Variants in RHPN2 observed in about 807,000 individuals in gnomAD.
The protein encoded by RHPN2 is rhophilin Rho GTPase binding protein 2.
Under a neutral mutation model 79.0 loss-of-function variants are expected in RHPN2, and 40 were observed. The ratio of observed to expected loss-of-function variants is 0.51; its 90% confidence interval spans 0.39 to 0.66. The LOEUF is 0.66. RHPN2 is among the 30% of genes least tolerant of loss of function. The probability of loss-of-function intolerance (pLI) is 0.00; values close to 1 mark genes in which losing one functional copy is unlikely to be tolerated. For missense variants in RHPN2, 686 were observed against 883.5 expected (o/e 0.78, Z 2.83); for synonymous variants, 285 against 363.5 (o/e 0.78, Z 2.46).
chr19:33,035,969 T>C (rs983558033), intron 2 of RHPN2, among the ~76,000 whole-genome samples: 7 of 151,722 alleles, frequency 4.6e-5, no homozygotes, highest in African/African-American at 1.5e-4. Context: ...ACAAAAAAAT[T>C]AGCTGTGTGT....
Position 32,979,956 on chromosome 19 carries a change from C to G in RHPN2, c.*40G>C, listed in dbSNP as rs964366651. On this transcript the variant is annotated 3_prime_UTR_variant, in exon 15 of 15. Coordinates refer to ENST00000254260, the MANE Select transcript of RHPN2 (RefSeq NM_033103.5). ...ACAAACGTTTAAGGCCGAGTCAGCA[C>G]CGGAAATGTTCAGGGCCTGAACATG... 6.2e-7 allele frequency: 1 copy of G among 1,611,618 alleles called. No individual in the cohort carries two copies. The highest frequency in any genetic ancestry group is 1.3e-5 in the African/African-American group (1 of 74,808).
At chr19:33,031,218 C>G (rs1972008365) in intron 2 of RHPN2, among the ~76,000 whole-genome samples, 1 of 149,458 alleles carries the variant, frequency 6.7e-6, no homozygotes, top group Non-Finnish European at 1.5e-5. Flanking sequence ...TCTTTCTATT[C>G]TATTCTATTC....
chr19:32,983,092 A>ACACACACACACACACACT (rs1021350111), intron 14 of RHPN2, among the ~76,000 whole-genome samples: 1 of 144,372 alleles, frequency 6.9e-6, no homozygotes, highest in Non-Finnish European at 1.5e-5. Context: ...ACACACACAC[A>ACACACACACACACACACT]CACTCCTGCA....
chr19:33,008,291 GC>G, intron 6 of RHPN2, 111 bp from the exon 7 acceptor site: 1 of 1,116,476 alleles, frequency 9.0e-7, no homozygotes, highest in Non-Finnish European at 1.3e-6. Context: ...TCACTCTGTT[GC>G]CCAGGCTGGA....
At chr19:33,047,147 C>T (rs1245945260) in intron 1 of RHPN2, among the ~76,000 whole-genome samples, 1 of 152,118 alleles carries the variant, frequency 6.6e-6, no homozygotes, top group Non-Finnish European at 1.5e-5. Flanking sequence ...AGGTGTGAGC[C>T]ACCACACCCA....
rs374714452 is a variant in RHPN2, at chr19:32,996,186, G to A, written c.1260C>T (p.His420=). 6.2e-6 allele frequency: 10 copies of A among 1,614,148 alleles called. No homozygotes were observed. In the East Asian group the frequency reaches 8.9e-5, roughly 14 times the overall value. ...KSHLRRAMAH[H]EESVREASLC... ...GGCTGGCCTCCCGCACCGACTCCTCGTGATGAGCCATGGCTCTGCGCAAGT... is the reference window on the plus strand; with the variant it reads ...GGCTGGCCTCCCGCACCGACTCCTCATGATGAGCCATGGCTCTGCGCAAGT... Residue 420 remains histidine, a synonymous_variant, in exon 11 of 15, where the codon CAC becomes CAT. Coordinates refer to ENST00000254260, the MANE Select transcript of RHPN2 (RefSeq NM_033103.5).
chr19:33,045,837 G>A (rs1020277661), intron 1 of RHPN2, among the ~76,000 whole-genome samples: 2 of 152,112 alleles, frequency 1.3e-5, no homozygotes, highest in South Asian at 4.2e-4. Context: ...CATTAGCATC[G>A]CTCCTCATTT....
chr19:32,982,776 G>A (rs1172037745), intron 14 of RHPN2, among the ~76,000 whole-genome samples: 7 of 151,990 alleles, frequency 4.6e-5, no homozygotes, highest in Non-Finnish European at 7.4e-5. Flanking sequence ...GTTGTGCGTT[G>A]CTGGAGGACA....
In RHPN2 at chr19:33,002,757, C is replaced by T. The variant is rs573693582; in HGVS notation, c.948+56G>A. The T allele has an allele frequency of 1.9e-5, 31 of 1,594,028 alleles. No homozygotes were observed. In the South Asian group the frequency reaches 3.2e-4, roughly 17 times the overall value. On this transcript the variant is annotated intron_variant, in intron 8 of 14. Coordinates refer to ENST00000254260, the MANE Select transcript of RHPN2 (RefSeq NM_033103.5). ...GGAAGGCCCCGCTACTTCCAGTGCTCCTGTGCCAGCATCTCCTGCCCACTC... is the reference window on the plus strand; with the variant it reads ...GGAAGGCCCCGCTACTTCCAGTGCTTCTGTGCCAGCATCTCCTGCCCACTC...
chr19:32,996,013 C>T lies in RHPN2; in HGVS notation c.1420+13G>A, dbSNP rs1259296655. 1 of 1,613,802 alleles carries T rather than the reference C, an allele frequency of 6.2e-7. No homozygotes were observed. The highest frequency in any genetic ancestry group is 2.2e-5 in the East Asian group (1 of 44,882). ...GGCACCCCCACAGAGGGAACACAGTCTAGGCTACTCACCAACAACACTGGG... is the reference window on the plus strand; with the variant it reads ...GGCACCCCCACAGAGGGAACACAGTTTAGGCTACTCACCAACAACACTGGG... On this transcript the variant is annotated intron_variant, in intron 11 of 14. Coordinates refer to ENST00000254260, the MANE Select transcript of RHPN2 (RefSeq NM_033103.5).
intron 1 of RHPN2, among the ~76,000 whole-genome samples, chr19:33,044,752 G>A (rs1176877236): frequency 6.6e-6 from 1 of 152,134 alleles, no homozygotes; most frequent in Non-Finnish European, 1.5e-5. Context: ...AAATTAACCA[G>A]GTGTGGTGGT....
At chr19:32,989,541 G>A (rs963672470) in intron 14 of RHPN2, among the ~76,000 whole-genome samples, 7 of 152,166 alleles carry the variant, frequency 4.6e-5, no homozygotes, top group Non-Finnish European at 1.0e-4. Flanking sequence ...TTCACAGGTT[G>A]TCTTAAGCAC....
At chr19:33,042,692 G>C (rs993827685) in intron 2 of RHPN2, among the ~76,000 whole-genome samples, 1 of 152,112 alleles carries the variant, frequency 6.6e-6, no homozygotes, top group African/African-American at 2.4e-5. Context: ...AGCACTCTGG[G>C]AGACCAAGGC....
intron 14 of RHPN2, among the ~76,000 whole-genome samples, chr19:32,980,883 G>T (rs900259626): frequency 6.6e-6 from 1 of 151,940 alleles, no homozygotes; most frequent in African/African-American, 2.4e-5. Context: ...TGTCGCCCAG[G>T]CTGGAGTGTA....
At position 33,011,695 on chromosome 19, in the gene RHPN2, C is replaced by T. The variant is rs765319907; in HGVS notation, c.577G>A (p.Gly193Arg). 1 of 1,613,922 alleles carries T rather than the reference C, an allele frequency of 6.2e-7. No individual in the cohort carries two copies. Among genetic ancestry groups the T allele is most frequent in the Non-Finnish European group, 8.5e-7 (1 of 1,179,856 alleles). ...SRFFPPTRQM[G>R]LLFTWYDSLT... ...AGCACCTACCAGGTGAACAGGAGTC[C>T]CATCTGCCGTGTGGGCGGGAAGAAT... is the stretch of plus-strand genomic sequence containing the variant. Residue 193 changes from glycine to arginine, a missense_variant, in exon 6 of 15, where the codon GGA becomes AGA. Coordinates refer to ENST00000254260, the MANE Select transcript of RHPN2 (RefSeq NM_033103.5).
chr19:32,988,942 C>T (rs1451332625), intron 14 of RHPN2, among the ~76,000 whole-genome samples: 1 of 152,208 alleles, frequency 6.6e-6, no homozygotes, highest in Non-Finnish European at 1.5e-5. Flanking sequence ...TAAACTGGAG[C>T]TCTGACACCT....
chr19:33,017,371 T>C (rs1319953137), intron 4 of RHPN2, among the ~76,000 whole-genome samples: 2 of 141,178 alleles, frequency 1.4e-5, no homozygotes, highest in Admixed American at 7.6e-5. Context: ...TGAAACTCCA[T>C]CTCAAAAAAA....
chr19:33,052,509 T>G (rs80120967), intron 1 of RHPN2, among the ~76,000 whole-genome samples: 1 of 152,186 alleles, frequency 6.6e-6, no homozygotes, highest in African/African-American at 2.4e-5. Context: ...CCTTTCTCAC[T>G]CCTTCCTGGT....
intron 4 of RHPN2, among the ~76,000 whole-genome samples, chr19:33,019,509 G>A (rs10427143): frequency 0.31 from 46,523 of 151,884 alleles, 8,444 homozygotes; most frequent in African/African-American, 0.49. Flanking sequence ...AACCTGGGAG[G>A]TGAAGGTTGC....
Sources: allele counts gnomAD v4.1 joint callset (sites outside exome capture counted in the v4.1 genomes callset), GRCh38; gene constraint gnomAD v4.1.1; transcripts MANE v1.5; gene names NCBI Gene and HGNC (gene_info 2026-07-23, HGNC 2026-07-21).